Variants in TRPM3 observed in about 807,000 individuals in gnomAD.
The protein encoded by TRPM3 is long transient receptor potential channel 3.
Under a neutral mutation model 181.2 loss-of-function variants are expected in TRPM3, and 77 were observed. That is an observed-to-expected ratio of 0.42 (90% CI 0.35 to 0.51). TRPM3 has a LOEUF of 0.51. TRPM3 is among the 20% of genes least tolerant of loss of function. The pLI is 0.01. For missense variants in TRPM3, 1,759 were observed against 2,196.7 expected (o/e 0.80, Z 3.98); for synonymous variants, 745 against 796.4 (o/e 0.94, Z 1.09).
intron 1 of TRPM3, among the ~76,000 whole-genome samples, chr9:71,189,866 T>C (rs1194621518): frequency 6.6e-6 from 1 of 151,840 alleles, no homozygotes; most frequent in Admixed American, 6.6e-5. Flanking sequence ...TCTAATGTGG[T>C]TTTCAAATCT....
At chr9:71,310,394 G>C (rs1263061191) in intron 1 of TRPM3, among the ~76,000 whole-genome samples, 1 of 152,074 alleles carries the variant, frequency 6.6e-6, no homozygotes, top group Non-Finnish European at 1.5e-5. Context: ...AAAAAATCTA[G>C]AGAAAGAAGT....
At chr9:70,701,794 T>C (rs1375842121) in intron 8 of TRPM3, among the ~76,000 whole-genome samples, 1 of 152,198 alleles carries the variant, frequency 6.6e-6, no homozygotes, top group African/African-American at 2.4e-5. Context: ...GGAATAGAAG[T>C]GAGCTCTTAA....
chr9:71,439,846 C>A (rs1402454477), intron 1 of TRPM3, among the ~76,000 whole-genome samples: 1 of 152,132 alleles, frequency 6.6e-6, no homozygotes, highest in South Asian at 2.1e-4. Flanking sequence ...TTAGGCTGGG[C>A]GCAGTGGCTC....
intron 1 of TRPM3, among the ~76,000 whole-genome samples, chr9:71,012,309 T>C (rs746601875): frequency 6.6e-6 from 1 of 152,192 alleles, no homozygotes; most frequent in Non-Finnish European, 1.5e-5. Flanking sequence ...CATTTCCATA[T>C]ACATGTGAGT....
intron 22 of TRPM3, 149 bp downstream of exon 22, chr9:70,590,882 A>T: frequency 1.0e-6 from 1 of 966,940 alleles, no homozygotes; most frequent in Non-Finnish European, 1.6e-6. Context: ...CACCTTCTGT[A>T]ATTTTTGTTT....
chr9:70,943,700 C>T (rs150760229), intron 1 of TRPM3, among the ~76,000 whole-genome samples: 27 of 152,326 alleles, frequency 1.8e-4, no homozygotes, highest in African/African-American at 5.5e-4. Context: ...ACAGACCTCA[C>T]AGTCTTCAAA....
intron 19 of TRPM3, among the ~76,000 whole-genome samples, chr9:70,608,122 C>T (rs2061479677): frequency 6.6e-6 from 1 of 152,212 alleles, no homozygotes; most frequent in African/African-American, 2.4e-5. Context: ...TGTTTCTGTA[C>T]CTCACTTCCG....
chr9:71,382,500 A>G (rs1320795723), intron 1 of TRPM3, among the ~76,000 whole-genome samples: 1 of 152,192 alleles, frequency 6.6e-6, no homozygotes, highest in Non-Finnish European at 1.5e-5. Context: ...TTGAATATAA[A>G]TAATCAGTGA....
intron 1 of TRPM3, among the ~76,000 whole-genome samples, chr9:71,172,065 GT>G (rs1244867472): frequency 6.6e-6 from 1 of 152,012 alleles, no homozygotes; most frequent in African/African-American, 2.4e-5. Context: ...TACCTGGCCA[GT>G]TTTTTTGTTT....
At chr9:70,953,535 A>G (rs758403468) in intron 1 of TRPM3, among the ~76,000 whole-genome samples, 3 of 152,174 alleles carry the variant, frequency 2.0e-5, no homozygotes, top group Non-Finnish European at 2.9e-5. Flanking sequence ...ATAATTTTTG[A>G]GAAACTTGAT....
At chr9:70,671,216 T>C (rs1193522390) in intron 9 of TRPM3, among the ~76,000 whole-genome samples, 1 of 152,122 alleles carries the variant, frequency 6.6e-6, no homozygotes, top group Non-Finnish European at 1.5e-5. Context: ...ATTTCTATCT[T>C]ATAGATGGGG....
intron 8 of TRPM3, among the ~76,000 whole-genome samples, chr9:70,687,832 CAT>C (rs1415428260): frequency 6.6e-6 from 1 of 152,192 alleles, no homozygotes; most frequent in Non-Finnish European, 1.5e-5. Flanking sequence ...TGTTATTGGG[CAT>C]ATTAATTGAG....
chr9:70,779,360 T>C (rs1414122522), intron 7 of TRPM3, among the ~76,000 whole-genome samples: 1 of 152,208 alleles, frequency 6.6e-6, no homozygotes, highest in Non-Finnish European at 1.5e-5. Context: ...TACAGATGAT[T>C]ATCTCTGGAA....
intron 1 of TRPM3, among the ~76,000 whole-genome samples, chr9:71,143,926 A>C (rs369916564): frequency 6.6e-6 from 1 of 152,116 alleles, no homozygotes; most frequent in East Asian, 1.9e-4. Context: ...TTTGATTTGC[A>C]GTTCTCTAAT....
At chr9:70,942,320 G>A (rs1299265130) in intron 1 of TRPM3, among the ~76,000 whole-genome samples, 2 of 152,162 alleles carry the variant, frequency 1.3e-5, no homozygotes, top group Admixed American at 1.3e-4. Flanking sequence ...TCTTTCAGGT[G>A]CAGCATGGAA....
At position 70,535,818 on chromosome 9, in the gene TRPM3, A is replaced by G; in HGVS notation, c.*135T>C. On this transcript the variant is annotated 3_prime_UTR_variant, in exon 26 of 26. Coordinates refer to ENST00000677713, the MANE Select transcript of TRPM3 (RefSeq NM_001366145.2). ...TGGCCCAGAAGTCACCTTTGAGTTA[A>G]CACCTCCCAAAGCATTGCTTGTTTT... The G allele has an allele frequency of 1.3e-6, 2 of 1,501,586 alleles. No homozygotes were observed. The highest frequency in any genetic ancestry group is 1.4e-5 in the African/African-American group (1 of 71,714). The allele number at this position is 1,501,586 out of a possible 1,614,324, so 93.0% of individuals were successfully genotyped here.
intron 1 of TRPM3, among the ~76,000 whole-genome samples, chr9:71,168,900 G>T (rs139400225): frequency 1.3e-5 from 2 of 152,146 alleles, no homozygotes; most frequent in East Asian, 3.9e-4. Context: ...GAAGAAGCTA[G>T]CTTCCAGATT....
At chr9:70,801,930 A>C (rs2089213056) in intron 6 of TRPM3, among the ~76,000 whole-genome samples, 1 of 152,214 alleles carries the variant, frequency 6.6e-6, no homozygotes, top group South Asian at 2.1e-4. Flanking sequence ...TCTCCACTTC[A>C]AATGTCTCTC....
At chr9:70,791,062 T>C (rs576709545) in intron 6 of TRPM3, among the ~76,000 whole-genome samples, 2 of 152,220 alleles carry the variant, frequency 1.3e-5, no homozygotes, top group Admixed American at 6.5e-5. Flanking sequence ...ATTTTGGATA[T>C]TGCCTTCACG....
Sources: allele counts gnomAD v4.1 joint callset (sites outside exome capture counted in the v4.1 genomes callset), GRCh38; gene constraint gnomAD v4.1.1; transcripts MANE v1.5; gene names NCBI Gene and HGNC (gene_info 2026-07-23, HGNC 2026-07-21).